AKAP6: variants seen among roughly 807,000 people sequenced by gnomAD.
AKAP6 encodes the protein A-kinase anchor protein 6.
A neutral mutation model predicts 188.5 loss-of-function variants in AKAP6; 58 were observed. The ratio of observed to expected loss-of-function variants is 0.31; its 90% CI spans 0.25 to 0.38. The LOEUF (loss-of-function observed/expected upper bound fraction) is 0.38, where lower values mean the gene tolerates loss of function less well. Among genes scored for constraint, AKAP6 ranks in the 10% least tolerant of loss-of-function variants. The pLI is 1.00. For missense variants in AKAP6, 2,710 were observed against 2,740.0 expected, an observed-to-expected ratio of 0.99 and a Z score of 0.24; for synonymous variants, 989 against 998.6, an observed-to-expected ratio of 0.99 and a Z score of 0.18.
At chr14:32,401,022 T>C (rs1241746723) in intron 1 of AKAP6, among the ~76,000 whole-genome samples, 2 of 152,188 alleles carry the variant, frequency 1.3e-5, no homozygotes, top group Admixed American at 6.5e-5. Context: ...TACCTCAATC[T>C]TGAGAAAAAG....
rs35914295 is a variant in AKAP6, at chr14:32,559,783, C to CTTTT, written c.2346+12802_2346+12805dup. The stretch of plus-strand genomic sequence containing the variant: ...TGGGAGGTAGTCCTCTAAGCCTAAT[C>CTTTT]TTTTTTTTTTTTTTTTTTTTTAAGG... On this transcript the variant is annotated intron_variant, in intron 4 of 13. Coordinates refer to ENST00000280979, the MANE Select transcript of AKAP6 (RefSeq NM_004274.5). 2.4e-3 allele frequency among the ~76,000 whole-genome samples: 288 copies of CTTTT among 119,070 alleles called. 2 individuals carry two copies. Among genetic ancestry groups the CTTTT allele is most frequent in the African/African-American group, 6.8e-3 (220 of 32,192 alleles). 78.1% of individuals were successfully genotyped at this position (119,070 alleles called of 152,430 possible).
chr14:32,393,142 T>C, intron 1 of AKAP6, among the ~76,000 whole-genome samples: 1 of 152,156 alleles, frequency 6.6e-6, no homozygotes, highest in Non-Finnish European at 1.5e-5. Flanking sequence ...TACAGTAACT[T>C]TATGTTGGAT....
intron 1 of AKAP6, among the ~76,000 whole-genome samples, chr14:32,345,995 A>G (rs1240481960): frequency 6.6e-6 from 1 of 152,260 alleles, no homozygotes; most frequent in Non-Finnish European, 1.5e-5. Flanking sequence ...TTTACAAAAC[A>G]TATAGAAGTA....
rs113632663 is a variant in AKAP6 at position 32,370,550 on chromosome 14, G to A, written c.-35+41142G>A. ...GCTCTGCAGTGTCTTTTATTGCACG[G>A]TTCTGAGGCTTTGCCGTTAACAACT... On this transcript the variant is annotated intron_variant, in intron 1 of 13. Transcript: ENST00000280979. Among the ~76,000 whole-genome samples the A allele has an allele frequency of 2.9e-4, 44 of 152,334 alleles. 1 individual carries two copies. The highest frequency in any genetic ancestry group is 9.9e-4 in the African/African-American group (41 of 41,568).
chr14:32,495,421 C>G (rs1880259260), intron 2 of AKAP6: 1 of 152,224 alleles, frequency 6.6e-6, no homozygotes, highest in African/African-American at 2.4e-5. Context: ...TGTTGTTTAT[C>G]TGGCATTCCT....
intron 1 of AKAP6, among the ~76,000 whole-genome samples, chr14:32,424,586 T>C (rs1233083102): frequency 1.3e-5 from 2 of 152,178 alleles, no homozygotes. Flanking sequence ...GTTGTACAGA[T>C]TATTTCATCA....
rs1028949557 is a variant in AKAP6 at position 32,720,234 on chromosome 14, T to C, written c.3001-12220T>C. 2.0e-5 allele frequency among the ~76,000 whole-genome samples: 3 copies of C among 152,242 alleles called. No individual in the cohort carries two copies. In the South Asian group the frequency reaches 6.2e-4, roughly 31 times the overall value. On this transcript the variant is annotated intron_variant, in intron 9 of 13. Coordinates refer to ENST00000280979, the MANE Select transcript of AKAP6 (RefSeq NM_004274.5). ...ACTCTGTGGTCAACTAAAGAAGACA[T>C]AGCCACCATCTTTTAAAGTTTATTC...
chr14:32,443,899 C>A (rs542949326), intron 2 of AKAP6, among the ~76,000 whole-genome samples: 1 of 152,204 alleles, frequency 6.6e-6, no homozygotes, highest in South Asian at 2.1e-4. Context: ...CCTTATGTGG[C>A]TATTTTACAT....
intron 11 of AKAP6, among the ~76,000 whole-genome samples, chr14:32,736,761 C>G (rs2031445515): frequency 6.6e-6 from 1 of 150,674 alleles, no homozygotes; most frequent in Non-Finnish European, 1.5e-5. Flanking sequence ...ATTCATCCCA[C>G]CTTGCCTGCA....
rs1009095575 is a variant in AKAP6, at chr14:32,603,779, T to C, written c.2730+2987T>C. On this transcript the variant is annotated intron_variant, in intron 7 of 13. Coordinates refer to ENST00000280979, the MANE Select transcript of AKAP6 (RefSeq NM_004274.5). ...TGCTAAATTTCATTCTAATGAAATG[T>C]TATGGTTACATAACCATAAAAATAA... 2.0e-5 allele frequency among the ~76,000 whole-genome samples: 3 copies of C among 152,332 alleles called. No individual in the cohort carries two copies. In the East Asian group the frequency reaches 5.8e-4, roughly 29 times the overall value.
chr14:32,620,092 A>T (rs941678262), intron 7 of AKAP6, among the ~76,000 whole-genome samples: 2 of 151,968 alleles, frequency 1.3e-5, no homozygotes, highest in African/African-American at 4.8e-5. Context: ...AGGATTCTTT[A>T]TGATCAAAAC....
rs374452403 is a variant in AKAP6, at chr14:32,510,490, G to GTA, written c.325-25050_325-25049dup. Among the ~76,000 whole-genome samples, 312 of 114,500 alleles carry GTA rather than the reference G, an allele frequency of 2.7e-3. 7 individuals carry two copies. The highest frequency in any genetic ancestry group is 3.9e-3 in the Non-Finnish European group (218 of 56,420). 75.1% of individuals were successfully genotyped at this position (114,500 alleles called of 152,430 possible). On this transcript the variant is annotated intron_variant, in intron 2 of 13. Transcript: ENST00000280979. ...TATATATATATACATATATATATGT[G>GTA]TATATATATATATATGAAGAATTAC...
Position 32,399,605 on chromosome 14 carries a change from G to C in AKAP6, c.-34-33855G>C, listed in dbSNP as rs551082286. ...ATTATAGAACACTTTACAAAGTGTT[G>C]AGAATAACCTCAAGCTTCCTCAGGT... On this transcript the variant is annotated intron_variant, in intron 1 of 13. Transcript: ENST00000280979. Among the ~76,000 whole-genome samples, 297 of 152,210 alleles carry C rather than the reference G, an allele frequency of 2.0e-3. 1 individual carries two copies. Among genetic ancestry groups the C allele is most frequent in the African/African-American group, 6.9e-3 (288 of 41,550 alleles).
chr14:32,548,860 T>C (rs1231901291), intron 4 of AKAP6, among the ~76,000 whole-genome samples: 1 of 152,228 alleles, frequency 6.6e-6, no homozygotes, highest in African/African-American at 2.4e-5. Flanking sequence ...GGATAGAGAA[T>C]ATTGATGTAA....
At chr14:32,351,434 C>T (rs1364742594) in intron 1 of AKAP6, among the ~76,000 whole-genome samples, 2 of 151,966 alleles carry the variant, frequency 1.3e-5, no homozygotes, top group East Asian at 1.9e-4. Context: ...TGGTGGCACA[C>T]ACCTGTAGTC....
intron 1 of AKAP6, among the ~76,000 whole-genome samples, chr14:32,414,680 T>C (rs892907687): frequency 6.6e-6 from 1 of 152,180 alleles, no homozygotes; most frequent in Non-Finnish European, 1.5e-5. Context: ...TATATGTATA[T>C]AATTAACATT....
intron 5 of AKAP6, among the ~76,000 whole-genome samples, chr14:32,588,529 C>T (rs899674542): frequency 3.9e-5 from 6 of 152,074 alleles, no homozygotes; most frequent in South Asian, 4.1e-4. Context: ...AAATGAGTGG[C>T]GTTTGTGTGT....
At position 32,659,477 on chromosome 14, in the gene AKAP6, G is replaced by A. The variant is rs142738234; in HGVS notation, c.2731-18834G>A. Among the ~76,000 whole-genome samples the A allele has an allele frequency of 3.3e-5, 5 of 152,108 alleles. No homozygotes were observed. The East Asian group carries it at 7.7e-4, about 24-fold the overall frequency. On this transcript the variant is annotated intron_variant, in intron 7 of 13. Coordinates refer to ENST00000280979, the MANE Select transcript of AKAP6 (RefSeq NM_004274.5). ...AGCCATCAAGGGTTGGTGTTATTTC[G>A]GAAGATAAGACATGGAGTCATCACG...
Position 32,824,112 on chromosome 14 carries a change from G to C in AKAP6, c.6299G>C (p.Arg2100Pro). The C allele has an allele frequency of 6.2e-7, 1 of 1,613,808 alleles. No individual in the cohort carries two copies. The highest frequency in any genetic ancestry group is 8.5e-7 in the Non-Finnish European group (1 of 1,179,904). The change falls in exon 13 of 14, where the codon CGG becomes CCG. Residue 2100 changes from arginine (R) to proline (P), a missense_variant. Physicochemically the swap from Arg to Pro is moderately radical, Grantham distance 103. Coordinates refer to ENST00000280979, the MANE Select transcript of AKAP6 (RefSeq NM_004274.5). ...GAGAAAGTGTTGGAGCATTCTCACC[G>C]GCCCATCCAGCTGAGAAAAGGGGAC... ...IKEKVLEHSHRPIQLRKGDFY... is the reference protein window; with the variant it reads ...IKEKVLEHSHPPIQLRKGDFY...
Sources: allele counts gnomAD v4.1 joint callset (sites outside exome capture counted in the v4.1 genomes callset), GRCh38; gene constraint gnomAD v4.1.1; transcripts MANE v1.5; gene names NCBI Gene and HGNC (gene_info 2026-07-23, HGNC 2026-07-21).